Variants in CFH observed in about 807,000 individuals in gnomAD.
CFH encodes the protein complement factor H.
A neutral mutation model predicts 147.3 loss-of-function variants in CFH; 53 were observed. That is an observed-to-expected ratio of 0.36 (90% CI 0.29 to 0.45). CFH has a LOEUF of 0.45. Among genes scored for constraint, CFH ranks in the 20% least tolerant of loss-of-function variants. The pLI is 1.00. For synonymous variants in CFH, 536 were observed against 489.4 expected, an observed-to-expected ratio of 1.10 and a Z score of -1.26; for missense variants, 1,380 against 1,498.0, an observed-to-expected ratio of 0.92 and a Z score of 1.30.
intron 1 of CFH, among the ~76,000 whole-genome samples, chr1:196,662,375 A>G (rs1364725620): frequency 3.3e-5 from 5 of 152,188 alleles, no homozygotes; most frequent in South Asian, 2.1e-4. Context: ...ATGGGTGTAT[A>G]CACATACATG....
At chr1:196,737,454 T>C (rs769294440) in intron 16 of CFH, 21 bp from the exon 17 acceptor site, 2 of 1,569,792 alleles carry the variant, frequency 1.3e-6, no homozygotes, top group African/African-American at 1.4e-5. Context: ...TTTAACCCTT[T>C]GATTTTCATT....
chr1:196,663,381 T>G (rs1387071980), intron 1 of CFH, among the ~76,000 whole-genome samples: 3 of 152,198 alleles, frequency 2.0e-5, no homozygotes, highest in Non-Finnish European at 2.9e-5. Context: ...ATGATTAAAA[T>G]GGGTTTTTTC....
chr1:196,713,808 A>G lies in CFH; in HGVS notation c.1410A>G (p.Lys470=). ...ISESQYTYAL[K]EKAKYQCKLG... ...AATCTCAGTATACATATGCCTTAAA[A>G]GAAAAAGCGAAATATCAATGCAAAC... Residue 470 remains lysine (K), a synonymous_variant, in exon 10 of 22, where the codon AAA becomes AAG. Transcript: ENST00000367429. 1 of 1,611,266 alleles carries G rather than the reference A, an allele frequency of 6.2e-7. No individual in the cohort carries two copies. Among genetic ancestry groups the G allele is most frequent in the South Asian group, 1.1e-5 (1 of 91,024 alleles).
intron 9 of CFH, among the ~76,000 whole-genome samples, chr1:196,697,321 C>T (rs904191447): frequency 6.6e-6 from 1 of 152,080 alleles, no homozygotes; most frequent in African/African-American, 2.4e-5. Context: ...AAAAAACAAA[C>T]AACCCCATCA....
At chr1:196,744,458 T>G (rs748231657) in intron 20 of CFH, among the ~76,000 whole-genome samples, 23 of 152,154 alleles carry the variant, frequency 1.5e-4, no homozygotes, top group Non-Finnish European at 3.2e-4. Context: ...TCGATTCATA[T>G]GTATTGTTTT....
chr1:196,720,372 A>C (rs1241557623), intron 11 of CFH, among the ~76,000 whole-genome samples: 1 of 151,894 alleles, frequency 6.6e-6, no homozygotes, highest in Non-Finnish European at 1.5e-5. Context: ...CTTTTAGTGT[A>C]TTCATCACCC....
At chr1:196,656,829 C>G (rs1049963887) in intron 1 of CFH, among the ~76,000 whole-genome samples, 1 of 152,044 alleles carries the variant, frequency 6.6e-6, no homozygotes, top group Non-Finnish European at 1.5e-5. Flanking sequence ...GGAATTTCAA[C>G]CCATGTTCTG....
intron 11 of CFH, among the ~76,000 whole-genome samples, chr1:196,724,708 A>G (rs1669091518): frequency 6.6e-6 from 1 of 152,134 alleles, no homozygotes; most frequent in African/African-American, 2.4e-5. Context: ...TCTGAGGAGA[A>G]CTTGTGTCCA....
chr1:196,698,326 C>T (rs980057452), intron 9 of CFH, among the ~76,000 whole-genome samples: 7 of 151,934 alleles, frequency 4.6e-5, no homozygotes, highest in Admixed American at 4.6e-4. Context: ...ACACTACTAG[C>T]CATACTAATA....
At chr1:196,661,819 C>T (rs1255167346) in intron 1 of CFH, among the ~76,000 whole-genome samples, 1 of 152,192 alleles carries the variant, frequency 6.6e-6, no homozygotes, top group Non-Finnish European at 1.5e-5. Context: ...GATTACCTAT[C>T]TATCAGTCAA....
intron 7 of CFH, among the ~76,000 whole-genome samples, chr1:196,685,799 A>G (rs1573022472): frequency 6.6e-6 from 1 of 152,174 alleles, no homozygotes; most frequent in Non-Finnish European, 1.5e-5. Context: ...CCTTTCCATG[A>G]GTTGATAAAT....
At chr1:196,666,311 T>A (rs927098348) in intron 1 of CFH, among the ~76,000 whole-genome samples, 5 of 152,348 alleles carry the variant, frequency 3.3e-5, no homozygotes, top group African/African-American at 1.2e-4. Flanking sequence ...GTTTCTTGAA[T>A]TAGAAATTTG....
intron 21 of CFH, 117 bp downstream of exon 21, chr1:196,746,116 A>G: frequency 6.4e-7 from 1 of 1,565,902 alleles, no homozygotes; most frequent in Non-Finnish European, 8.8e-7. Context: ...ATGCTTGCCT[A>G]CCAAATATTT....
In CFH at chr1:196,740,796, T is replaced by C. The variant is rs776001029; in HGVS notation, c.2956+4T>C. 11 of 1,613,532 alleles carry C rather than the reference T, an allele frequency of 6.8e-6. No homozygotes were observed. In the African/African-American group the frequency reaches 1.2e-4, roughly 18 times the overall value. On this transcript the variant is annotated splice_donor_region_variant and intron_variant, in intron 18 of 21. Coordinates refer to ENST00000367429, the MANE Select transcript of CFH (RefSeq NM_000186.4). ...TCTCACCCTCCATCATGCATAAGTA[T>C]GGTGCATTGAATTTTATTATATGTA...
Position 196,728,542 on chromosome 1 carries a change from T to G in CFH, c.2413+20T>G, listed in dbSNP as rs55871663. On this transcript the variant is annotated intron_variant, in intron 15 of 21. Transcript: ENST00000367429. ...GCTCAAGTAAGCTCTTATTTTGTTT[T>G]CAGAAATGTATTCTATTTCTCATTT... The G allele has an allele frequency of 2.0e-5, 32 of 1,609,724 alleles. No individual in the cohort carries two copies. In the East Asian group the frequency reaches 7.2e-4, roughly 36 times the overall value.
intron 9 of CFH, among the ~76,000 whole-genome samples, chr1:196,708,397 C>A (rs950909460): frequency 6.6e-6 from 1 of 152,170 alleles, no homozygotes; most frequent in Admixed American, 6.6e-5. Context: ...GTGTCAATCT[C>A]TCTCTGCCTA....
At chr1:196,662,936 A>G (rs1572998862) in intron 1 of CFH, among the ~76,000 whole-genome samples, 2 of 152,130 alleles carry the variant, frequency 1.3e-5, no homozygotes, top group African/African-American at 2.4e-5. Flanking sequence ...TTATTTCTGT[A>G]TATAGAATTC....
At chr1:196,684,223 C>A (rs1264040371) in intron 6 of CFH, among the ~76,000 whole-genome samples, 1 of 151,906 alleles carries the variant, frequency 6.6e-6, no homozygotes, top group Admixed American at 6.6e-5. Flanking sequence ...TGAAACACAG[C>A]CAAGTTCATT....
rs572656868 is a variant in CFH at position 196,739,228 on chromosome 1, C to T, written c.2783-1391C>T. Among the ~76,000 whole-genome samples the T allele has an allele frequency of 1.2e-4, 18 of 152,276 alleles. No homozygotes were observed. The South Asian group carries it at 1.2e-3, about 11-fold the overall frequency. ...TGTCATGAAGGCCTCTGACATGCCCCGGAGATATATTCCCCATTGTCTTGG... is the reference window on the plus strand; with the variant it reads ...TGTCATGAAGGCCTCTGACATGCCCTGGAGATATATTCCCCATTGTCTTGG... On this transcript the variant is annotated intron_variant, in intron 17 of 21. Coordinates refer to ENST00000367429, the MANE Select transcript of CFH (RefSeq NM_000186.4).
Sources: allele counts gnomAD v4.1 joint callset (sites outside exome capture counted in the v4.1 genomes callset), GRCh38; gene constraint gnomAD v4.1.1; transcripts MANE v1.5; gene names NCBI Gene and HGNC (gene_info 2026-07-23, HGNC 2026-07-21).